Variants in UNC5B observed in about 807,000 individuals in gnomAD.
UNC5B encodes the protein unc-5 netrin receptor B, also known as netrin receptor UNC5B.
UNC5B carries 56 observed loss-of-function variants against 103.7 expected under a neutral mutation model. The observed-to-expected ratio is 0.54, with a 90% CI of 0.44 to 0.67. UNC5B has a LOEUF of 0.67. Among genes scored for constraint, UNC5B ranks in the 30% least tolerant of loss-of-function variants. The probability of loss-of-function intolerance (pLI) is 0.00; values close to 1 mark genes in which losing one functional copy is unlikely to be tolerated. For missense variants in UNC5B, 1,194 were observed against 1,284.5 expected, an observed-to-expected ratio of 0.93 and a Z score of 1.08; for synonymous variants, 577 against 542.0, an observed-to-expected ratio of 1.06 and a Z score of -0.90.
At chr10:71,238,853 C>T (rs1306525800) in intron 1 of UNC5B, among the ~76,000 whole-genome samples, 2 of 152,164 alleles carry the variant, frequency 1.3e-5, no homozygotes, top group Non-Finnish European at 2.9e-5. Context: ...AATCATAGCT[C>T]ACTGCAGCCT....
chr10:71,290,893 T>C, intron 8 of UNC5B, 22 bp from the exon 9 acceptor site: 1 of 1,600,430 alleles, frequency 6.2e-7, no homozygotes, highest in Non-Finnish European at 8.5e-7. Context: ...CTGCCCCTTA[T>C]GTGGTCCTCC....
chr10:71,257,200 A>T (rs1011786338), intron 1 of UNC5B, among the ~76,000 whole-genome samples: 3 of 152,094 alleles, frequency 2.0e-5, no homozygotes, highest in Admixed American at 6.5e-5. Flanking sequence ...GCACCCCCGG[A>T]TCCCACCTAG....
chr10:71,287,924 TCTCTGACCC>T (rs1440491797), intron 6 of UNC5B, among the ~76,000 whole-genome samples, 159 bp downstream of exon 6: 1 of 152,180 alleles, frequency 6.6e-6, no homozygotes, highest in Non-Finnish European at 1.5e-5. Context: ...GATGCTCTGA[TCTCTGACCC>T]CTTATTCTGC....
At chr10:71,277,419 G>C (rs1019241945) in intron 1 of UNC5B, among the ~76,000 whole-genome samples, 1 of 152,264 alleles carries the variant, frequency 6.6e-6, no homozygotes, top group Non-Finnish European at 1.5e-5. Flanking sequence ...TCAGGGCTGA[G>C]ACGGAGACAA....
chr10:71,293,270 TG>T, intron 11 of UNC5B, 134 bp from the exon 12 acceptor site: 1 of 1,002,948 alleles, frequency 1.0e-6, no homozygotes, highest in Non-Finnish European at 1.4e-6. Context: ...CCATGACCTC[TG>T]GGAATGCAGA....
chr10:71,297,793 T>C (rs12766008), intron 15 of UNC5B, 116 bp from the exon 16 acceptor site: 88,262 of 1,191,246 alleles, frequency 0.074, 3,905 homozygotes, highest in Non-Finnish European at 0.09. Flanking sequence ...TGGGAGTCTG[T>C]CCAGAGGAGG....
At position 71,293,857 on chromosome 10, in the gene UNC5B, T is replaced by G. The variant is rs763647885; in HGVS notation, c.2099T>G (p.Phe700Cys). The G allele has an allele frequency of 2.2e-5, 36 of 1,609,402 alleles. No homozygotes were observed. Among genetic ancestry groups the G allele is most frequent in the Non-Finnish European group, 1.3e-5 (15 of 1,179,716 alleles). Residue 700 changes from phenylalanine to cysteine, a missense_variant, in exon 13 of 17, where the codon TTC becomes TGC. Coordinates refer to ENST00000335350, the MANE Select transcript of UNC5B (RefSeq NM_170744.5). ...GTCAAGCGGCTCCAGCTGGCCGTCT[T>G]CGCCCCCGCCCTCTGCACCTCCCTG... ...SAVKRLQLAVFAPALCTSLEY... is the reference protein window; with the variant it reads ...SAVKRLQLAVCAPALCTSLEY...
At position 71,218,510 on chromosome 10, in the gene UNC5B, G is replaced by A. The variant is rs184673069; in HGVS notation, c.79+5446G>A. Among the ~76,000 whole-genome samples, 26 of 152,338 alleles carry A rather than the reference G, an allele frequency of 1.7e-4. No individual in the cohort carries two copies. In the East Asian group the frequency reaches 1.9e-3, roughly 11 times the overall value. ...ACTGTGAGCAGGGTTTGGCCTGAGT[G>A]CCAGGTTCTGCTGTTGGAAGGGCAG... On this transcript the variant is annotated intron_variant, in intron 1 of 16. Transcript: ENST00000335350.
intron 2 of UNC5B, 118 bp from the exon 3 acceptor site, chr10:71,284,602 A>T: frequency 6.9e-7 from 1 of 1,441,824 alleles, no homozygotes; most frequent in Non-Finnish European, 9.4e-7. Flanking sequence ...AGAGGAATGG[A>T]GGGAAAGGCA....
chr10:71,253,108 T>A (rs2132272451), intron 1 of UNC5B, among the ~76,000 whole-genome samples: 1 of 152,270 alleles, frequency 6.6e-6, no homozygotes, highest in South Asian at 2.1e-4. Flanking sequence ...TCCCCTCATT[T>A]CCACACTTCA....
At chr10:71,214,182 G>T (rs1843288362) in intron 1 of UNC5B, among the ~76,000 whole-genome samples, 1 of 152,104 alleles carries the variant, frequency 6.6e-6, no homozygotes, top group African/African-American at 2.4e-5. Context: ...AGGAAAACTG[G>T]AGCAGAAAGT....
At chr10:71,290,352 A>G (rs546748245) in intron 8 of UNC5B, among the ~76,000 whole-genome samples, 1 of 152,200 alleles carries the variant, frequency 6.6e-6, no homozygotes, top group East Asian at 1.9e-4. Flanking sequence ...CCTTCTTCCC[A>G]CATGCTCACC....
intron 13 of UNC5B, among the ~76,000 whole-genome samples, 172 bp downstream of exon 13, chr10:71,294,105 G>C (rs1845348393): frequency 6.6e-6 from 1 of 152,170 alleles, no homozygotes; most frequent in East Asian, 1.9e-4. Flanking sequence ...CACAGGGCCT[G>C]CCTCACCAAG....
At chr10:71,264,978 A>G (rs955069552) in intron 1 of UNC5B, among the ~76,000 whole-genome samples, 4 of 151,674 alleles carry the variant, frequency 2.6e-5, no homozygotes, top group Non-Finnish European at 5.9e-5. Flanking sequence ...CTATAAAAAA[A>G]AAAAAAAAAA....
At chr10:71,293,622 G>A in intron 12 of UNC5B, 49 bp downstream of exon 12, 1 of 1,610,480 alleles carries the variant, frequency 6.2e-7, no homozygotes, top group South Asian at 1.1e-5. Context: ...CCTGCCCAGG[G>A]AGGCAAAAGA....
chr10:71,230,899 A>G (rs1192119292), intron 1 of UNC5B, among the ~76,000 whole-genome samples: 3 of 152,226 alleles, frequency 2.0e-5, no homozygotes, highest in Non-Finnish European at 4.4e-5. Flanking sequence ...CAGGTTGTTT[A>G]TATGGAGAGC....
intron 1 of UNC5B, among the ~76,000 whole-genome samples, chr10:71,242,617 A>G (rs968507452): frequency 6.6e-6 from 1 of 152,182 alleles, no homozygotes; most frequent in Non-Finnish European, 1.5e-5. Context: ...AGGCCCTTGT[A>G]TAGCCATTGT....
At chr10:71,258,980 G>C (rs955156731) in intron 1 of UNC5B, among the ~76,000 whole-genome samples, 1 of 152,260 alleles carries the variant, frequency 6.6e-6, no homozygotes, top group Admixed American at 6.5e-5. Context: ...GGCAGCCCGT[G>C]TGAGGCCACG....
At chr10:71,294,125 A>G (rs2132313792) in intron 13 of UNC5B, among the ~76,000 whole-genome samples, 192 bp downstream of exon 13, 1 of 152,264 alleles carries the variant, frequency 6.6e-6, no homozygotes, top group African/African-American at 2.4e-5. Context: ...GATCCAGGTT[A>G]GAGGTGGGAG....
Sources: allele counts gnomAD v4.1 joint callset (sites outside exome capture counted in the v4.1 genomes callset), GRCh38; gene constraint gnomAD v4.1.1; transcripts MANE v1.5; gene names NCBI Gene and HGNC (gene_info 2026-07-23, HGNC 2026-07-21).